Variants in PLCXD3 observed in about 807,000 individuals in gnomAD.
PLCXD3 encodes phosphatidylinositol specific phospholipase C X domain containing 3, also known as PI-PLC X domain-containing protein 3.
In PLCXD3, 19 loss-of-function variants were observed where a neutral mutation model predicts 25.5. The ratio of observed to expected loss-of-function variants is 0.75; its 90% CI spans 0.52 to 1.09. The LOEUF (loss-of-function observed/expected upper bound fraction) is 1.09. PLCXD3 is among the 50% of genes least tolerant of loss of function. The probability of loss-of-function intolerance (pLI) is 0.00; values close to 1 mark genes in which losing one functional copy is unlikely to be tolerated. For synonymous variants in PLCXD3, 174 were observed against 137.6 expected (o/e 1.26, Z -1.85); for missense variants, 411 against 388.1 (o/e 1.06, Z -0.50).
chr5:41,500,456 G>T (rs1346058180), intron 1 of PLCXD3, among the ~76,000 whole-genome samples: 4 of 151,752 alleles, frequency 2.6e-5, no homozygotes, highest in African/African-American at 4.8e-5. Flanking sequence ...GAGATAATGA[G>T]AAATTAATGG....
At chr5:41,351,435 C>G (rs1403251093) in intron 2 of PLCXD3, among the ~76,000 whole-genome samples, 1 of 152,176 alleles carries the variant, frequency 6.6e-6, no homozygotes, top group Non-Finnish European at 1.5e-5. Context: ...GCTTCGAGGC[C>G]TGTAAGGGAT....
intron 1 of PLCXD3, among the ~76,000 whole-genome samples, chr5:41,434,860 GT>G (rs1260842987): frequency 6.6e-6 from 1 of 152,130 alleles, no homozygotes; most frequent in Non-Finnish European, 1.5e-5. Flanking sequence ...TGGCATTACT[GT>G]GGAGGCACAA....
intron 1 of PLCXD3, among the ~76,000 whole-genome samples, chr5:41,458,539 T>C (rs904551863): frequency 2.6e-5 from 4 of 152,000 alleles, no homozygotes; most frequent in African/African-American, 9.7e-5. Flanking sequence ...TAAATGTTCA[T>C]TGAATTGTCA....
At chr5:41,322,772 C>T (rs536856290) in intron 2 of PLCXD3, among the ~76,000 whole-genome samples, 10 of 151,922 alleles carry the variant, frequency 6.6e-5, no homozygotes, top group Admixed American at 3.9e-4. Context: ...GTCAGGAGAT[C>T]GAGGCCATCC....
chr5:41,334,532 G>C (rs1358494341), intron 2 of PLCXD3, among the ~76,000 whole-genome samples: 3 of 152,108 alleles, frequency 2.0e-5, no homozygotes, highest in Non-Finnish European at 4.4e-5. Context: ...AAAATTCCAA[G>C]CCCTCAGAAG....
chr5:41,493,326 T>A (rs1486522533), intron 1 of PLCXD3, among the ~76,000 whole-genome samples: 1 of 152,150 alleles, frequency 6.6e-6, no homozygotes, highest in East Asian at 1.9e-4. Context: ...CCGTGTGAGG[T>A]GTCAGTCTGC....
intron 1 of PLCXD3, among the ~76,000 whole-genome samples, chr5:41,449,109 T>C (rs923419296): frequency 6.6e-6 from 1 of 152,192 alleles, no homozygotes; most frequent in Non-Finnish European, 1.5e-5. Flanking sequence ...CATTTCACCA[T>C]TTACTCCTTG....
At chr5:41,391,555 T>C (rs1745821725) in intron 1 of PLCXD3, among the ~76,000 whole-genome samples, 1 of 152,168 alleles carries the variant, frequency 6.6e-6, no homozygotes, top group Non-Finnish European at 1.5e-5. Flanking sequence ...TAAACAGCAG[T>C]GATATCCGGG....
intron 1 of PLCXD3, among the ~76,000 whole-genome samples, chr5:41,417,602 A>ATAACACAT (rs1746723852): frequency 6.6e-6 from 1 of 152,254 alleles, no homozygotes; most frequent in Non-Finnish European, 1.5e-5. Context: ...CTGGAACAGA[A>ATAACACAT]TAACACATTG....
At position 41,349,414 on chromosome 5, in the gene PLCXD3, G is replaced by T. The variant is rs114268331; in HGVS notation, c.812+32412C>A. ...AATAACTTCTTTCAAATTTGGAGAT[G>T]GTTAAATGCTCCTATTGGGAAAAGG... is the stretch of plus-strand genomic sequence containing the variant. On this transcript the variant is annotated intron_variant, in intron 2 of 2. Coordinates refer to ENST00000377801, the MANE Select transcript of PLCXD3 (RefSeq NM_001005473.3). 8.1e-3 allele frequency among the ~76,000 whole-genome samples: 1,229 copies of T among 152,252 alleles called. 14 individuals carry two copies. Among genetic ancestry groups the T allele is most frequent in the Admixed American group, 0.02 (304 of 15,298 alleles).
chr5:41,391,428 T>C (rs1442325560), intron 1 of PLCXD3, among the ~76,000 whole-genome samples: 1 of 152,096 alleles, frequency 6.6e-6, no homozygotes, highest in Non-Finnish European at 1.5e-5. Flanking sequence ...CAGCTCTAGC[T>C]CCCAGATGAC....
At chr5:41,420,003 C>G (rs928831085) in intron 1 of PLCXD3, among the ~76,000 whole-genome samples, 2 of 152,090 alleles carry the variant, frequency 1.3e-5, no homozygotes, top group Non-Finnish European at 2.9e-5. Flanking sequence ...TCCCATTTCC[C>G]ATAATTACTC....
chr5:41,426,168 CATT>C (rs78733502), intron 1 of PLCXD3, among the ~76,000 whole-genome samples: 8,640 of 151,994 alleles, frequency 0.057, 382 homozygotes, highest in Non-Finnish European at 0.084. Flanking sequence ...AGTGGTATCT[CATT>C]GTTGTTTTAG....
At chr5:41,326,174 TCATC>T (rs1192003254) in intron 2 of PLCXD3, among the ~76,000 whole-genome samples, 2 of 152,156 alleles carry the variant, frequency 1.3e-5, no homozygotes, top group Admixed American at 6.5e-5. Context: ...ATCCCTCCAT[TCATC>T]CATCCATGCA....
intron 2 of PLCXD3, among the ~76,000 whole-genome samples, chr5:41,341,692 G>A: frequency 6.6e-6 from 1 of 151,880 alleles, no homozygotes; most frequent in East Asian, 1.9e-4. Flanking sequence ...GGTGGGTGGT[G>A]GATAAATAGG....
chr5:41,360,703 T>C (rs1344089826), intron 2 of PLCXD3, among the ~76,000 whole-genome samples: 2 of 152,352 alleles, frequency 1.3e-5, no homozygotes, highest in East Asian at 3.9e-4. Flanking sequence ...AGTCTTGTGA[T>C]GTGATCCATC....
chr5:41,449,623 A>G (rs937260999), intron 1 of PLCXD3, among the ~76,000 whole-genome samples: 1 of 152,148 alleles, frequency 6.6e-6, no homozygotes, highest in Non-Finnish European at 1.5e-5. Context: ...TGTAAAGTAC[A>G]CTGATAAGCA....
intron 1 of PLCXD3, among the ~76,000 whole-genome samples, chr5:41,488,015 C>A (rs1748559257): frequency 6.7e-6 from 1 of 149,922 alleles, no homozygotes; most frequent in African/African-American, 2.5e-5. Flanking sequence ...GTACTGCACC[C>A]ATTAACTCGT....
intron 1 of PLCXD3, among the ~76,000 whole-genome samples, chr5:41,465,866 A>G (rs1748007639): frequency 6.6e-6 from 1 of 152,124 alleles, no homozygotes; most frequent in Non-Finnish European, 1.5e-5. Flanking sequence ...CCCTCAGTTC[A>G]ATTTCAGAAT....
Sources: allele counts gnomAD v4.1 joint callset (sites outside exome capture counted in the v4.1 genomes callset), GRCh38; gene constraint gnomAD v4.1.1; transcripts MANE v1.5; gene names NCBI Gene and HGNC (gene_info 2026-07-23, HGNC 2026-07-21).